Variants in KCNN2 observed in about 807,000 individuals in gnomAD.
KCNN2 encodes the protein small conductance calcium-activated potassium channel protein 2.
Under a neutral mutation model 55.5 loss-of-function variants are expected in KCNN2, and 24 were observed. The observed-to-expected ratio is 0.43, with a 90% CI of 0.31 to 0.61. KCNN2 has a LOEUF of 0.61. KCNN2 is among the 20% of genes least tolerant of loss of function. KCNN2 has a pLI of 0.08. For synonymous variants in KCNN2, 431 were observed against 336.1 expected, an observed-to-expected ratio of 1.28 and a Z score of -3.09; for missense variants, 754 against 853.6, an observed-to-expected ratio of 0.88 and a Z score of 1.45.
intron 2 of KCNN2, among the ~76,000 whole-genome samples, chr5:114,403,382 T>C (rs1439256711): frequency 6.6e-6 from 1 of 152,220 alleles, no homozygotes; most frequent in East Asian, 1.9e-4. Context: ...TTATGTGACT[T>C]GTAATAGTCC....
chr5:114,227,595 A>C (rs1243385307), intron 2 of KCNN2, among the ~76,000 whole-genome samples: 2 of 152,222 alleles, frequency 1.3e-5, no homozygotes, highest in Non-Finnish European at 2.9e-5. Flanking sequence ...TGTGCCTTGC[A>C]CTTGACAGAA....
chr5:114,419,636 A>G (rs1370082311), intron 3 of KCNN2, among the ~76,000 whole-genome samples: 1 of 152,198 alleles, frequency 6.6e-6, no homozygotes, highest in Non-Finnish European at 1.5e-5. Flanking sequence ...CAGTAACCTA[A>G]GTCTTTCTGA....
chr5:114,413,141 C>T (rs979422638), intron 3 of KCNN2, among the ~76,000 whole-genome samples: 1 of 152,242 alleles, frequency 6.6e-6, no homozygotes, highest in African/African-American at 2.4e-5. Context: ...CTGTGACTTG[C>T]AAAACATCAA....
intron 1 of KCNN2, among the ~76,000 whole-genome samples, chr5:114,142,751 A>G (rs1752312043): frequency 6.6e-6 from 1 of 152,216 alleles, no homozygotes; most frequent in South Asian, 2.1e-4. Context: ...CCATGCTCAT[A>G]CATAGGAAGA....
intron 1 of KCNN2, among the ~76,000 whole-genome samples, chr5:114,130,512 G>C (rs1291215080): frequency 6.6e-6 from 1 of 152,146 alleles, no homozygotes; most frequent in Non-Finnish European, 1.5e-5. Flanking sequence ...GCCTAGCTCT[G>C]TGAATTCAGA....
chr5:114,238,594 C>G (rs1041562805), intron 2 of KCNN2, among the ~76,000 whole-genome samples: 1 of 151,330 alleles, frequency 6.6e-6, no homozygotes, highest in African/African-American at 2.4e-5. Flanking sequence ...GCACTGCACT[C>G]CAGTCTGGGT....
At chr5:114,275,118 T>C (rs1025727434) in intron 2 of KCNN2, among the ~76,000 whole-genome samples, 1 of 152,190 alleles carries the variant, frequency 6.6e-6, no homozygotes, top group Non-Finnish European at 1.5e-5. Context: ...TTCGATCTGT[T>C]TATGTGATGG....
At chr5:114,457,572 A>G (rs1179941560) in intron 3 of KCNN2, among the ~76,000 whole-genome samples, 1 of 152,194 alleles carries the variant, frequency 6.6e-6, no homozygotes, top group African/African-American at 2.4e-5. Context: ...AGTATATACT[A>G]TCTTTTACTG....
chr5:114,282,861 C>A (rs1399065622), intron 2 of KCNN2, among the ~76,000 whole-genome samples: 1 of 152,106 alleles, frequency 6.6e-6, no homozygotes, highest in Non-Finnish European at 1.5e-5. Flanking sequence ...AATTCAATTC[C>A]ATTTCTAACT....
intron 1 of KCNN2, among the ~76,000 whole-genome samples, chr5:114,210,421 G>A (rs890363027): frequency 6.6e-6 from 1 of 152,164 alleles, no homozygotes; most frequent in African/African-American, 2.4e-5. Flanking sequence ...CAGTGCTTCA[G>A]TAGTCACAAA....
At chr5:114,463,259 G>T (rs1294009039) in intron 4 of KCNN2, 69 bp downstream of exon 4, 2 of 1,229,872 alleles carry the variant, frequency 1.6e-6, no homozygotes, top group Non-Finnish European at 1.1e-6. Context: ...CTCAGTCCAC[G>T]TGCATAAGTA....
intron 2 of KCNN2, among the ~76,000 whole-genome samples, chr5:114,355,719 G>T (rs1338276594): frequency 6.6e-6 from 1 of 152,034 alleles, no homozygotes; most frequent in Non-Finnish European, 1.5e-5. Context: ...TGAGCTGCAG[G>T]GTGAAGAATT....
chr5:114,473,317 G>A, intron 5 of KCNN2, 153 bp downstream of exon 5: 1 of 632,588 alleles, frequency 1.6e-6, no homozygotes, highest in Non-Finnish European at 2.8e-6. Context: ...CACATTTTGA[G>A]AATAGACTAT....
intron 2 of KCNN2, among the ~76,000 whole-genome samples, chr5:114,276,428 G>T (rs1227574977): frequency 2.0e-5 from 3 of 152,094 alleles, no homozygotes; most frequent in African/African-American, 4.8e-5. Context: ...TGACAGTGGG[G>T]TGTTAAAGTC....
chr5:114,171,916 T>C (rs1486718082), intron 1 of KCNN2, among the ~76,000 whole-genome samples: 1 of 151,858 alleles, frequency 6.6e-6, no homozygotes, highest in African/African-American at 2.4e-5. Flanking sequence ...TGTGAACTTA[T>C]CAGTATAATT....
chr5:114,256,671 T>C (rs1302907704), intron 2 of KCNN2, among the ~76,000 whole-genome samples: 1 of 152,180 alleles, frequency 6.6e-6, no homozygotes, highest in Non-Finnish European at 1.5e-5. Flanking sequence ...TTGTATGTCT[T>C]CCTTGAAAAG....
At chr5:114,458,739 G>T (rs1435125355) in intron 3 of KCNN2, among the ~76,000 whole-genome samples, 1 of 152,184 alleles carries the variant, frequency 6.6e-6, no homozygotes, top group Non-Finnish European at 1.5e-5. Context: ...ATGTTCCTGG[G>T]ATACAGAGAG....
intron 2 of KCNN2, among the ~76,000 whole-genome samples, chr5:114,229,377 C>A (rs1754309045): frequency 6.6e-6 from 1 of 151,620 alleles, no homozygotes; most frequent in African/African-American, 2.4e-5. Flanking sequence ...AATTATATCT[C>A]CCCTGGCCTG....
rs1232747490 is a variant in KCNN2, at chr5:114,483,051, GA to G, written c.1891-3988del. ...CCAGAATTTAAAATAAAATTTGAAG[GA>G]AAAAAAAAAAGTCTAGCAGCCTCAA... is the stretch of plus-strand genomic sequence containing the variant. On this transcript the variant is annotated intron_variant, in intron 5 of 7. Transcript: ENST00000673685. 3.1e-3 allele frequency among the ~76,000 whole-genome samples: 438 copies of G among 142,778 alleles called. 2 individuals carry two copies. Among genetic ancestry groups the G allele is most frequent in the Non-Finnish European group, 4.6e-3 (298 of 64,978 alleles). 93.7% of individuals were successfully genotyped at this position (142,778 alleles called of 152,430 possible).
Sources: allele counts gnomAD v4.1 joint callset (sites outside exome capture counted in the v4.1 genomes callset), GRCh38; gene constraint gnomAD v4.1.1; transcripts MANE v1.5; gene names NCBI Gene and HGNC (gene_info 2026-07-23, HGNC 2026-07-21).